ADGRG1: variants seen among roughly 807,000 people sequenced by gnomAD.
The protein encoded by ADGRG1 is 7-transmembrane protein with no EGF-like N-terminal domains-1.
Under a neutral mutation model 73.5 loss-of-function variants are expected in ADGRG1, and 53 were observed. The observed-to-expected ratio is 0.72, with a 90% CI of 0.58 to 0.91. The LOEUF (loss-of-function observed/expected upper bound fraction) is 0.91, where lower values mean the gene tolerates loss of function less well. Among genes scored for constraint, ADGRG1 ranks in the 40% least tolerant of loss-of-function variants. The pLI, the probability that ADGRG1 is intolerant of heterozygous loss-of-function variation, is 0.00. For synonymous variants in ADGRG1, 394 were observed against 374.4 expected, an observed-to-expected ratio of 1.05 and a Z score of -0.60; for missense variants, 795 against 871.8, an observed-to-expected ratio of 0.91 and a Z score of 1.11.
At chr16:57,633,994 C>A in intron 1 of ADGRG1, 3 of 768,200 alleles carry the variant, frequency 3.9e-6, no homozygotes, top group Non-Finnish European at 4.8e-6. Flanking sequence ...TGACCCTGGG[C>A]TGGGGAGCTG....
intron 1 of ADGRG1, chr16:57,629,463 C>T (rs1453174626): frequency 6.6e-6 from 1 of 152,340 alleles, no homozygotes; most frequent in Non-Finnish European, 1.5e-5. Context: ...CCAAGGTCAC[C>T]TAGCACATCC....
chr16:57,656,969 C>T (rs1371420980), intron 9 of ADGRG1, among the ~76,000 whole-genome samples: 1 of 152,222 alleles, frequency 6.6e-6, no homozygotes, highest in Non-Finnish European at 1.5e-5. Context: ...CCAGTGCCCC[C>T]AAGACCTCAG....
upstream of ADGRG1, chr16:57,627,716 T>G: frequency 1.3e-6 from 1 of 767,620 alleles, no homozygotes; most frequent in Non-Finnish European, 1.5e-6. Flanking sequence ...TGAGGAATCA[T>G]CTATCCTCAT....
At chr16:57,653,472 C>A (rs751594157) in intron 4 of ADGRG1, 137 bp downstream of exon 4, 8 of 1,492,534 alleles carry the variant, frequency 5.4e-6, no homozygotes, top group Non-Finnish European at 5.3e-6. Context: ...TCTCTTTCTG[C>A]CTTCTGGGAG....
chr16:57,642,498 A>G (rs2147803331), intron 1 of ADGRG1: 1 of 984,998 alleles, frequency 1.0e-6, no homozygotes, highest in South Asian at 4.7e-5. Context: ...CCATGTGGAT[A>G]ACAGGTGTCC....
chr16:57,650,222 A>C, intron 1 of ADGRG1, 31 bp from the exon 2 acceptor site: 1 of 1,572,954 alleles, frequency 6.4e-7, no homozygotes, highest in South Asian at 1.1e-5. Context: ...CACAGTCCAC[A>C]CTCCCAGCTA....
chr16:57,632,960 A>G (rs1265999153), intron 1 of ADGRG1: 16 of 985,108 alleles, frequency 1.6e-5, no homozygotes, highest in Non-Finnish European at 1.9e-5. Context: ...AAAACAAGGA[A>G]CAGTGAGATA....
chr16:57,645,574 C>G (rs1359813610), intron 1 of ADGRG1, among the ~76,000 whole-genome samples: 1 of 152,202 alleles, frequency 6.6e-6, no homozygotes, highest in East Asian at 1.9e-4. Flanking sequence ...CGGGGCCAGT[C>G]CCTCCCCTCT....
rs140298537 is a variant in ADGRG1, at chr16:57,661,807, G to A, written c.1775G>A (p.Arg592Gln). ...MLATMVVQIL[R>Q]LRPHTQKWSH... Reference sequence around the variant, plus strand: ...GCCACCATGGTGGTGCAGATCCTGCGGCTGCGCCCCCACACCCAAAAGTGG... The same window carrying A: ...GCCACCATGGTGGTGCAGATCCTGCAGCTGCGCCCCCACACCCAAAAGTGG... Residue 592 changes from arginine (R) to glutamine (Q), a missense_variant, in exon 13 of 14, where the codon CGG becomes CAG. By Grantham distance (43) the Arg-to-Gln change is conservative. Coordinates refer to ENST00000562631, the MANE Select transcript of ADGRG1 (RefSeq NM_201525.4). 1.7e-5 allele frequency: 27 copies of A among 1,614,098 alleles called. No individual in the cohort carries two copies. Among genetic ancestry groups the A allele is most frequent in the South Asian group, 2.2e-5 (2 of 91,088 alleles).
At chr16:57,655,007 A>G (rs1257649836) in intron 5 of ADGRG1, 1 of 970,942 alleles carries the variant, frequency 1.0e-6, no homozygotes, top group East Asian at 1.1e-4. Flanking sequence ...GGCGTGAGCC[A>G]CTGCACCCAG....
upstream of ADGRG1, chr16:57,623,764 G>A (rs746931485): frequency 2.6e-4 from 255 of 984,428 alleles, no homozygotes; most frequent in Non-Finnish European, 3.0e-4. Flanking sequence ...TGAGGCGGGT[G>A]TGATGGGAGA....
At chr16:57,628,292 G>A (rs2147118067), upstream of ADGRG1, 1 of 652,340 alleles carries the variant, frequency 1.5e-6, no homozygotes, top group Non-Finnish European at 1.9e-6. Flanking sequence ...GGCAACCCCG[G>A]CCTCTCTGTG....
intron 6 of ADGRG1, 60 bp downstream of exon 6, chr16:57,655,590 G>A (rs1159572463): frequency 3.1e-6 from 5 of 1,610,876 alleles, no homozygotes; most frequent in East Asian, 2.2e-5. Context: ...GACAGAGGTG[G>A]AAAGAAGGCA....
chr16:57,647,630 G>A, intron 1 of ADGRG1: 1 of 369,468 alleles, frequency 2.7e-6, no homozygotes, highest in Non-Finnish European at 3.7e-6. Context: ...AGGGAGTCAG[G>A]ATTTGAACCC....
At chr16:57,653,060 C>T in intron 3 of ADGRG1, 143 bp from the exon 4 acceptor site, 2 of 1,549,542 alleles carry the variant, frequency 1.3e-6, no homozygotes, top group Non-Finnish European at 1.7e-6. Flanking sequence ...AGAGTCCACT[C>T]TGCTTCTTGA....
intron 4 of ADGRG1, 70 bp from the exon 5 acceptor site, chr16:57,653,916 C>T: frequency 3.7e-6 from 6 of 1,608,972 alleles, no homozygotes; most frequent in Non-Finnish European, 5.1e-6. Flanking sequence ...GTCTCTCGTC[C>T]TCCTGCCTCA....
chr16:57,624,997 G>C (rs944529239), upstream of ADGRG1, among the ~76,000 whole-genome samples: 12 of 152,112 alleles, frequency 7.9e-5, no homozygotes, highest in Admixed American at 2.0e-4. Context: ...AAGTCATCCA[G>C]CTGGCCGGCT....
chr16:57,651,735 T>G, intron 3 of ADGRG1, 113 bp downstream of exon 3: 2 of 1,512,326 alleles, frequency 1.3e-6, no homozygotes, highest in Non-Finnish European at 1.8e-6. Context: ...TGGGCTTTGC[T>G]CACAGGCACT....
At chr16:57,628,474 G>A, upstream of ADGRG1, 2 of 978,452 alleles carry the variant, frequency 2.0e-6, no homozygotes, top group Non-Finnish European at 2.4e-6. Context: ...CTGCCTCAGC[G>A]CTCTCAGCCC....
Sources: allele counts gnomAD v4.1 joint callset (sites outside exome capture counted in the v4.1 genomes callset), GRCh38; gene constraint gnomAD v4.1.1; transcripts MANE v1.5; gene names NCBI Gene and HGNC (gene_info 2026-07-23, HGNC 2026-07-21).